Variants in DDX10 observed in about 807,000 individuals in gnomAD.
DDX10 encodes probable ATP-dependent RNA helicase DDX10.
Under a neutral mutation model 104.3 loss-of-function variants are expected in DDX10, and 74 were observed. The ratio of observed to expected loss-of-function variants is 0.71; its 90% confidence interval spans 0.59 to 0.86. DDX10 has a LOEUF of 0.86. Among genes scored for constraint, DDX10 ranks in the 40% least tolerant of loss-of-function variants. DDX10 has a pLI of 0.00. For synonymous variants in DDX10, 351 were observed against 353.4 expected, an observed-to-expected ratio of 0.99 and a Z score of 0.08; for missense variants, 952 against 1,040.0, an observed-to-expected ratio of 0.92 and a Z score of 1.16.
intron 16 of DDX10, among the ~76,000 whole-genome samples, chr11:108,866,572 A>G (rs946094453): frequency 6.6e-6 from 1 of 152,184 alleles, no homozygotes; most frequent in Admixed American, 6.5e-5. Flanking sequence ...AGGAGAGATG[A>G]GCCAAAGATC....
chr11:108,794,160 C>T (rs1861908375), intron 13 of DDX10, among the ~76,000 whole-genome samples: 1 of 152,080 alleles, frequency 6.6e-6, no homozygotes, highest in Non-Finnish European at 1.5e-5. Context: ...GCACACTTCC[C>T]TTTGATAAAC....
intron 8 of DDX10, among the ~76,000 whole-genome samples, chr11:108,692,513 G>T (rs111371258): frequency 6.6e-6 from 1 of 152,138 alleles, no homozygotes. Flanking sequence ...GGAATGGGAC[G>T]GGGATGGACG....
At chr11:108,916,794 A>G (rs1863756797) in intron 16 of DDX10, among the ~76,000 whole-genome samples, 1 of 152,182 alleles carries the variant, frequency 6.6e-6, no homozygotes, top group African/African-American at 2.4e-5. Context: ...TGTGATGTTC[A>G]TAACATAAAT....
intron 16 of DDX10, among the ~76,000 whole-genome samples, chr11:108,890,584 G>T (rs61915182): frequency 4.7e-5 from 7 of 150,004 alleles, no homozygotes; most frequent in African/African-American, 1.5e-4. Flanking sequence ...AAAAAAAAAG[G>T]CCTCTACCCT....
intron 14 of DDX10, among the ~76,000 whole-genome samples, chr11:108,839,700 A>G (rs1455139503): frequency 6.6e-6 from 1 of 152,220 alleles, no homozygotes; most frequent in African/African-American, 2.4e-5. Flanking sequence ...ACGAAAAGTC[A>G]CAAAATCGTG....
intron 2 of DDX10, among the ~76,000 whole-genome samples, chr11:108,674,293 C>A (rs1246345219): frequency 6.6e-6 from 1 of 151,024 alleles, no homozygotes; most frequent in African/African-American, 2.4e-5. Flanking sequence ...GAGTGAGACA[C>A]CGTCTCAAAA....
chr11:108,926,804 G>A (rs895389372), intron 17 of DDX10, among the ~76,000 whole-genome samples: 1 of 152,158 alleles, frequency 6.6e-6, no homozygotes, highest in African/African-American at 2.4e-5. Flanking sequence ...GAATACCAAA[G>A]TGCCAGTACT....
At chr11:108,777,346 T>C (rs1045246529) in intron 13 of DDX10, among the ~76,000 whole-genome samples, 3 of 152,186 alleles carry the variant, frequency 2.0e-5, no homozygotes, top group African/African-American at 7.2e-5. Flanking sequence ...TTCTTTTCTT[T>C]TGAGATAGAG....
At chr11:108,890,387 G>A (rs1188451445) in intron 16 of DDX10, among the ~76,000 whole-genome samples, 1 of 152,116 alleles carries the variant, frequency 6.6e-6, no homozygotes, top group Non-Finnish European at 1.5e-5. Context: ...AATGGTGTCT[G>A]TGTAGTAGGA....
At chr11:108,706,152 A>C (rs940264540) in intron 9 of DDX10, among the ~76,000 whole-genome samples, 1 of 151,982 alleles carries the variant, frequency 6.6e-6, no homozygotes, top group Non-Finnish European at 1.5e-5. Flanking sequence ...TTGCATTTTT[A>C]GTAGAGACAG....
In DDX10 at chr11:108,896,282, C is replaced by T. The variant is rs372489525; in HGVS notation, c.2305-21591C>T. 5.9e-5 allele frequency among the ~76,000 whole-genome samples: 9 copies of T among 152,002 alleles called. No individual in the cohort carries two copies. In the South Asian group the frequency reaches 8.3e-4, roughly 14 times the overall value. On this transcript the variant is annotated intron_variant, in intron 16 of 17. Coordinates refer to ENST00000322536, the MANE Select transcript of DDX10 (RefSeq NM_004398.4). ...TGAACAAGCATGCTTGTGAATCCAA[C>T]GTGGCAGATCTCTGTAGCCCCTTAA...
intron 12 of DDX10, among the ~76,000 whole-genome samples, chr11:108,721,884 G>C (rs141230559): frequency 6.6e-6 from 1 of 152,186 alleles, no homozygotes; most frequent in South Asian, 2.1e-4. Flanking sequence ...ACATAAAAAT[G>C]TAAGTGCAAT....
At chr11:108,693,651 G>A (rs2094255851) in intron 9 of DDX10, 51 bp downstream of exon 9, 8 of 1,396,588 alleles carry the variant, frequency 5.7e-6, no homozygotes, top group Non-Finnish European at 8.1e-6. Context: ...AAATAACAAA[G>A]CATGCTTTTC....
chr11:108,726,797 C>T (rs1203831186), intron 13 of DDX10, among the ~76,000 whole-genome samples: 1 of 151,998 alleles, frequency 6.6e-6, no homozygotes, highest in Non-Finnish European at 1.5e-5. Flanking sequence ...AGTCTTTTAC[C>T]ATTACATCTG....
At chr11:108,738,943 G>T (rs910546015) in intron 13 of DDX10, among the ~76,000 whole-genome samples, 3 of 152,132 alleles carry the variant, frequency 2.0e-5, no homozygotes, top group Admixed American at 2.0e-4. Flanking sequence ...GAGTGGGTTT[G>T]TGTCCTAGGT....
intron 16 of DDX10, among the ~76,000 whole-genome samples, chr11:108,917,075 C>T (rs960202170): frequency 4.0e-5 from 6 of 151,552 alleles, no homozygotes; most frequent in East Asian, 1.9e-4. Flanking sequence ...GTTGTTGTTT[C>T]GTTTTTAAGA....
chr11:108,826,622 C>T (rs1030186707), intron 13 of DDX10, among the ~76,000 whole-genome samples: 7 of 152,178 alleles, frequency 4.6e-5, no homozygotes, highest in African/African-American at 1.4e-4. Flanking sequence ...CCAACTTCTT[C>T]GCATCTTGCA....
chr11:108,767,649 T>C (rs894638078), intron 13 of DDX10, among the ~76,000 whole-genome samples: 3 of 152,246 alleles, frequency 2.0e-5, no homozygotes, highest in Admixed American at 2.0e-4. Flanking sequence ...CTTATGCTGT[T>C]ATGAATACCC....
chr11:108,799,501 G>A (rs996125550), intron 13 of DDX10, among the ~76,000 whole-genome samples: 14 of 152,166 alleles, frequency 9.2e-5, no homozygotes, highest in African/African-American at 2.7e-4. Flanking sequence ...CTCAGACAAT[G>A]ATTATTTGAG....
Sources: allele counts gnomAD v4.1 joint callset (sites outside exome capture counted in the v4.1 genomes callset), GRCh38; gene constraint gnomAD v4.1.1; transcripts MANE v1.5; gene names NCBI Gene and HGNC (gene_info 2026-07-23, HGNC 2026-07-21).